SCN4A: variants seen among roughly 807,000 people sequenced by gnomAD.
SCN4A encodes sodium channel protein type 4 subunit alpha.
A neutral mutation model predicts 162.0 loss-of-function variants in SCN4A; 83 were observed. The observed-to-expected ratio is 0.51, with a 90% confidence interval of 0.43 to 0.61. The LOEUF (loss-of-function observed/expected upper bound fraction) is 0.61, where lower values mean the gene tolerates loss of function less well. Ranked by LOEUF, SCN4A falls within the 20% of genes least tolerant of loss-of-function variation. The pLI is 0.00. For missense variants in SCN4A, 2,196 were observed against 2,462.5 expected, an observed-to-expected ratio of 0.89 and a Z score of 2.29; for synonymous variants, 944 against 985.1, an observed-to-expected ratio of 0.96 and a Z score of 0.78.
intron 13 of SCN4A, among the ~76,000 whole-genome samples, chr17:63,952,781 T>C (rs1037465904): frequency 6.6e-6 from 1 of 152,140 alleles, no homozygotes; most frequent in Non-Finnish European, 1.5e-5. Context: ...CCCACTTTAT[T>C]TTCCAGTGGA....
Position 63,948,046 on chromosome 17 carries a change from GTA to G in SCN4A, c.3160_3161del (p.Tyr1054HisfsTer2). ...TGCGAATGACTCGCCGCTGCTCAAT[GTA>G]GATGTCCTCGAAGGCCTGGGGGCAC... is the stretch of plus-strand genomic sequence containing the variant. ...SSGALAFEDI[Y>X]IEQRRVIRTI... On this transcript the variant is annotated frameshift_variant, in exon 17 of 24. Transcript: ENST00000435607. LOFTEE classifies it high-confidence loss of function. 6.2e-7 allele frequency: 1 copy of G among 1,605,108 alleles called. No homozygotes were observed. The highest frequency in any genetic ancestry group is 8.5e-7 in the Non-Finnish European group (1 of 1,173,034).
chr17:63,953,800 C>G (rs58582631), intron 13 of SCN4A, among the ~76,000 whole-genome samples: 1 of 152,094 alleles, frequency 6.6e-6, no homozygotes, highest in Admixed American at 6.5e-5. Flanking sequence ...TAAACTGAGT[C>G]CTAGAGAGGT....
In SCN4A at chr17:63,938,779, G is replaced by T. The variant is rs574144085; in HGVS notation, c.*1992C>A. ...CAAACAGATTTCTGAGGCTCCAGGGGCTGTGCCAGCCCAGGGCCCAGGAGG... is the reference window on the plus strand; with the variant it reads ...CAAACAGATTTCTGAGGCTCCAGGGTCTGTGCCAGCCCAGGGCCCAGGAGG... On this transcript the variant is annotated 3_prime_UTR_variant, in exon 24 of 24. Coordinates refer to ENST00000435607, the MANE Select transcript of SCN4A (RefSeq NM_000334.4). 1 of 152,916 alleles carries T rather than the reference G, an allele frequency of 6.5e-6. No homozygotes were observed. The highest frequency in any genetic ancestry group is 2.4e-5 in the African/African-American group (1 of 41,602). 9.5% of individuals were successfully genotyped at this position (152,916 alleles called of 1,614,324 possible). A position where few individuals can be genotyped will look rare whatever the true frequency, so the allele number is the denominator to read the frequency against.
rs1412712432 is a variant in SCN4A at position 63,945,348 on chromosome 17, G to T, written c.3720+12C>A. The T allele has an allele frequency of 6.2e-7, 1 of 1,601,874 alleles. No homozygotes were observed. Among genetic ancestry groups the T allele is most frequent in the Non-Finnish European group, 8.5e-7 (1 of 1,170,318 alleles). ...ATCCAGGTTCCCGGCAGGGGTGGTG[G>T]GTCACACTCACCACCTGCAGGAGGG... is the stretch of plus-strand genomic sequence containing the variant. On this transcript the variant is annotated intron_variant, in intron 19 of 23. Coordinates refer to ENST00000435607, the MANE Select transcript of SCN4A (RefSeq NM_000334.4). This position sits in a 1 kb window ranked among gnomAD's most constrained non-coding sequence, Gnocchi z 4.4.
At chr17:63,957,745 T>C (rs1286724847) in intron 12 of SCN4A, among the ~76,000 whole-genome samples, 1 of 152,174 alleles carries the variant, frequency 6.6e-6, no homozygotes, top group Non-Finnish European at 1.5e-5. Context: ...GGCTCACGCC[T>C]GTAATCCCAG....
chr17:63,940,631 T>C lies in SCN4A; in HGVS notation c.*140A>G, dbSNP rs1305295684. On this transcript the variant is annotated 3_prime_UTR_variant, in exon 24 of 24. Coordinates refer to ENST00000435607, the MANE Select transcript of SCN4A (RefSeq NM_000334.4). ...GCTCGGGCCTGGGTGTCAGCCCCAGTGTGGCCAAATCCTGTCCCCCATCAG... is the reference window on the plus strand; with the variant it reads ...GCTCGGGCCTGGGTGTCAGCCCCAGCGTGGCCAAATCCTGTCCCCCATCAG... 2 of 1,065,396 alleles carry C rather than the reference T, an allele frequency of 1.9e-6. No individual in the cohort carries two copies. Among genetic ancestry groups the C allele is most frequent in the Non-Finnish European group, 2.6e-6 (2 of 766,892 alleles). 66.0% of individuals were successfully genotyped at this position (1,065,396 alleles called of 1,614,324 possible). A position where few individuals can be genotyped will look rare whatever the true frequency, so the allele number is the denominator to read the frequency against.
rs369445518 is a variant in SCN4A, at chr17:63,964,639, G to T, written c.1281C>A (p.Phe427Leu). ...RAAGKTYMIF[F>L]VVIIFLGSFY... ...AAGAGCCCAGGAAGATGATGACCAC[G>T]AAGAAGATCATGTAGGTCTTGCCAG... The change falls in exon 9 of 24, where the codon TTC becomes TTA. Residue 427 changes from phenylalanine (F) to leucine (L), a missense_variant. By Grantham distance (22) the Phe-to-Leu change is conservative. Coordinates refer to ENST00000435607, the MANE Select transcript of SCN4A (RefSeq NM_000334.4). The T allele has an allele frequency of 1.2e-6, 2 of 1,612,020 alleles. No homozygotes were observed. The highest frequency in any genetic ancestry group is 2.2e-5 in the South Asian group (2 of 90,700).
At position 63,944,846 on chromosome 17, in the gene SCN4A, C is replaced by A; in HGVS notation, c.3775-36G>T. The A allele has an allele frequency of 1.9e-6, 3 of 1,609,096 alleles. No individual in the cohort carries two copies. The highest frequency in any genetic ancestry group is 2.5e-6 in the Non-Finnish European group (3 of 1,177,246). ...CACAGGGTGGGACGGCGTGGGTTTG[C>A]ACGCTGGCTTCTCCCTGCCCCCCAC... On this transcript the variant is annotated intron_variant, in intron 20 of 23. Transcript: ENST00000435607. This position sits in a 1 kb window ranked among gnomAD's most constrained non-coding sequence, Gnocchi z 4.3.
Position 63,947,179 on chromosome 17 carries a change from G to C in SCN4A, c.3319-12C>G. The stretch of plus-strand genomic sequence containing the variant: ...CTGATGATGGAGACCTGCAGGGGAG[G>C]GGTGAGGGGATCAGTGCGTGCAAGG... On this transcript the variant is annotated splice_polypyrimidine_tract_variant and intron_variant, in intron 17 of 23. Transcript: ENST00000435607. 5 of 1,612,862 alleles carry C rather than the reference G, an allele frequency of 3.1e-6. No homozygotes were observed. In the East Asian group the frequency reaches 1.1e-4, roughly 36 times the overall value.
chr17:63,940,490 C>G lies in SCN4A; in HGVS notation c.*281G>C, dbSNP rs909303409. On this transcript the variant is annotated 3_prime_UTR_variant, in exon 24 of 24. Coordinates refer to ENST00000435607, the MANE Select transcript of SCN4A (RefSeq NM_000334.4). Reference sequence around the variant, plus strand: ...TCCCCCAGGCCAAAAGGAGGGGCGACAGGGCCCAGAGGAGGTCAGAGCAAC... The same window carrying G: ...TCCCCCAGGCCAAAAGGAGGGGCGAGAGGGCCCAGAGGAGGTCAGAGCAAC... The G allele has an allele frequency of 2.4e-5, 10 of 408,602 alleles. No homozygotes were observed. The highest frequency in any genetic ancestry group is 2.1e-4 in the African/African-American group (10 of 48,608). The allele number at this position is 408,602 out of a possible 1,614,324, so 25.3% of individuals were successfully genotyped here.
intron 5 of SCN4A, 136 bp downstream of exon 5, chr17:63,971,026 T>C: frequency 1.5e-6 from 1 of 654,010 alleles, no homozygotes; most frequent in Non-Finnish European, 2.8e-6. Context: ...CGTGGGCCCC[T>C]GTATGTCCAG....
intron 13 of SCN4A, among the ~76,000 whole-genome samples, chr17:63,954,265 A>G (rs1039912836): frequency 2.0e-5 from 3 of 152,192 alleles, no homozygotes; most frequent in Non-Finnish European, 4.4e-5. Flanking sequence ...ACGCTCTTTG[A>G]GAGAATGTGC....
In SCN4A at chr17:63,940,592, C is replaced by G. The variant is rs1417958985; in HGVS notation, c.*179G>C. ...GAGCGCAATTCCCATTTCCCATGGT[C>G]TGGGAACGCAGGCGCTCGGGCCTGG... On this transcript the variant is annotated 3_prime_UTR_variant, in exon 24 of 24. Transcript: ENST00000435607. 7.8e-6 allele frequency: 5 copies of G among 640,844 alleles called. No homozygotes were observed. The highest frequency in any genetic ancestry group is 1.2e-5 in the Non-Finnish European group (5 of 402,842). The allele number at this position is 640,844 out of a possible 1,614,324, so 39.7% of individuals were successfully genotyped here. A position where few individuals can be genotyped will look rare whatever the true frequency, so the allele number is the denominator to read the frequency against.
rs549841066 is a variant in SCN4A, at chr17:63,952,424, T to G, written c.2377-524A>C. ...ATCCGCCTGCCTCGGCCTCCCAAAG[T>G]GCTGGGATTAGAGGCATCACCACGG... On this transcript the variant is annotated intron_variant, in intron 13 of 23. Transcript: ENST00000435607. Among the ~76,000 whole-genome samples the G allele has an allele frequency of 3.0e-4, 45 of 152,280 alleles. 1 individual carries two copies. Among genetic ancestry groups the G allele is most frequent in the African/African-American group, 9.9e-4 (41 of 41,576 alleles).
Position 63,951,560 on chromosome 17 carries a change from C to G in SCN4A, c.2717G>C (p.Ser906Thr), listed in dbSNP as rs41280102. 0.014 allele frequency: 22,345 copies of G among 1,613,998 alleles called. 207 individuals are homozygous for G. The highest frequency in any genetic ancestry group is 0.017 in the Non-Finnish European group (19,716 of 1,179,880). Residue 906 changes from serine (S) to threonine (T), a missense_variant, in exon 14 of 24, where the codon AGC (serine) becomes ACC (threonine). Coordinates refer to ENST00000435607, the MANE Select transcript of SCN4A (RefSeq NM_000334.4). The surrounding 1 kb of genome is among the most constrained non-coding windows in gnomAD (Gnocchi z 4.5). ...GAAGTTAAGGTGGTCCAGCTCGAGG[C>G]TGGATGGGGGGCCGTCAGCCAGGCC... ...HMGLADGPPS[S>T]LELDHLNFIN...
In SCN4A at chr17:63,957,186, C is replaced by T; in HGVS notation, c.2352G>A (p.Met784Ile). The T allele has an allele frequency of 6.3e-7, 1 of 1,583,748 alleles. No homozygotes were observed. The highest frequency in any genetic ancestry group is 8.6e-7 in the Non-Finnish European group (1 of 1,160,360). ...GQAMCLTVFL[M>I]VMVIGNLVVL... ...CCACAAGATTGCCGATGACCATGAC[C>T]ATGAGGAAGACGGTGAGGCACATGG... Residue 784 changes from methionine to isoleucine, a missense_variant, in exon 13 of 24, where the codon ATG (methionine) becomes ATA (isoleucine). Coordinates refer to ENST00000435607, the MANE Select transcript of SCN4A (RefSeq NM_000334.4).
At position 63,961,175 on chromosome 17, in the gene SCN4A, T is replaced by TCCCCCCCCC; in HGVS notation, c.1845+17_1845+18insGGGGGGGGG. ...CCCATCCTGCCCATGAATGATCCCCTCCCCCGCCCCTCCCTACCAGGTTGC... is the reference window on the plus strand; with the variant it reads ...CCCATCCTGCCCATGAATGATCCCCTCCCCCCCCCCCCCCGCCCCTCCCTACCAGGTTGC... On this transcript the variant is annotated intron_variant, in intron 11 of 23. Transcript: ENST00000435607. 2 of 298,142 alleles carry TCCCCCCCCC rather than the reference T, an allele frequency of 6.7e-6. No individual in the cohort carries two copies. Among genetic ancestry groups the TCCCCCCCCC allele is most frequent in the South Asian group, 2.8e-5 (1 of 35,232 alleles). The allele number at this position is 298,142 out of a possible 1,614,324, so 18.5% of individuals were successfully genotyped here.
At position 63,972,267 on chromosome 17, in the gene SCN4A, G is replaced by C. The variant is rs766440410; in HGVS notation, c.393-42C>G. 4 of 1,594,480 alleles carry C rather than the reference G, an allele frequency of 2.5e-6. No individual in the cohort carries two copies. In the East Asian group the frequency reaches 9.0e-5, roughly 36 times the overall value. On this transcript the variant is annotated intron_variant, in intron 2 of 23. Coordinates refer to ENST00000435607, the MANE Select transcript of SCN4A (RefSeq NM_000334.4). The surrounding 1 kb of genome is among the most constrained non-coding windows in gnomAD (Gnocchi z 4.3). ...GAAAGTGAGGAAGCAGCTAGGATGG[G>C]AGGTGATAGAGGGTCTCCTGGGCCA...
At chr17:63,942,630 C>A (rs2144775784) in intron 23 of SCN4A, among the ~76,000 whole-genome samples, 196 bp downstream of exon 23, 1 of 152,352 alleles carries the variant, frequency 6.6e-6, no homozygotes, top group South Asian at 2.1e-4. Context: ...TGAGGTGCAT[C>A]CATGTGTGCG....
Sources: gnomAD v4.1 joint callset for allele counts (sites outside exome capture counted in the v4.1 genomes callset) on GRCh38, gnomAD v4.1.1 for gene constraint, Gnocchi (gnomAD v3.1) non-coding constraint, MANE v1.5 for transcripts, NCBI Gene and HGNC (gene_info 2026-07-23, HGNC 2026-07-21) for gene names.